The following MTCL3 variants were observed in gnomAD, a reference collection of about 807,000 sequenced individuals.
The protein encoded by MTCL3 is microtubule cross-linking factor 3.
the MTCL3 span, among the ~76,000 whole-genome samples, chr6:127,491,400 C>T: frequency 6.6e-6 from 1 of 152,192 alleles, no homozygotes; most frequent in Non-Finnish European, 1.5e-5. Context: ...CCATCAACAT[C>T]CAGGGAAGAC....
At chr6:127,501,532 GTTAC>G in the MTCL3 span, among the ~76,000 whole-genome samples, 1 of 152,280 alleles carries the variant, frequency 6.6e-6, no homozygotes, top group South Asian at 2.1e-4. Flanking sequence ...GTAAGAAACT[GTTAC>G]TTTGTGAAGG....
the MTCL3 span, among the ~76,000 whole-genome samples, chr6:127,482,539 T>G: frequency 6.6e-6 from 1 of 152,214 alleles, no homozygotes; most frequent in East Asian, 1.9e-4. This position sits in a 1 kb window ranked among gnomAD's most constrained non-coding sequence, Gnocchi z 4.1. Flanking sequence ...CCTTTCTGAC[T>G]TCCCTCTGCA....
chr6:127,505,528 G>T, the MTCL3 span, among the ~76,000 whole-genome samples: 1 of 152,168 alleles, frequency 6.6e-6, no homozygotes, highest in Non-Finnish European at 1.5e-5. Context: ...AGGATGGAGC[G>T]TGGGAGGAGG....
At chr6:127,509,341 G>A in the MTCL3 span, among the ~76,000 whole-genome samples, 1 of 152,192 alleles carries the variant, frequency 6.6e-6, no homozygotes, top group Non-Finnish European at 1.5e-5. Flanking sequence ...AAGATAGACA[G>A]ATAGATGTGA....
chr6:127,518,232 T>C, the MTCL3 span, among the ~76,000 whole-genome samples: 1 of 152,272 alleles, frequency 6.6e-6, no homozygotes, highest in Admixed American at 6.5e-5. Flanking sequence ...ACATGGGCTA[T>C]CTAACTAACT....
chr6:127,475,467 GA>G, the MTCL3 span: 1 of 1,613,440 alleles, frequency 6.2e-7, no homozygotes, highest in Non-Finnish European at 8.5e-7. This position sits in a 1 kb window ranked among gnomAD's most constrained non-coding sequence, Gnocchi z 7.3. Flanking sequence ...CCATGAGTCC[GA>G]ACAGGTCCCC....
At chr6:127,509,398 G>A in the MTCL3 span, among the ~76,000 whole-genome samples, 1 of 152,186 alleles carries the variant, frequency 6.6e-6, no homozygotes, top group South Asian at 2.1e-4. Context: ...AGAGCAATTG[G>A]TCAATACCCT....
chr6:127,473,081 T>C, the MTCL3 span: 14 of 1,135,830 alleles, frequency 1.2e-5, no homozygotes, highest in Non-Finnish European at 1.5e-5. Flanking sequence ...CTTTCTTACC[T>C]GAAATATTTT....
chr6:127,475,713 G>A, the MTCL3 span: 2 of 1,587,252 alleles, frequency 1.3e-6, no homozygotes, highest in Non-Finnish European at 1.7e-6. This position sits in a 1 kb window ranked among gnomAD's most constrained non-coding sequence, Gnocchi z 7.3. Flanking sequence ...CTTCGCGCTT[G>A]CGGTGCGGAG....
chr6:127,500,474 C>G, the MTCL3 span, among the ~76,000 whole-genome samples: 11 of 152,116 alleles, frequency 7.2e-5, no homozygotes, highest in Non-Finnish European at 1.0e-4. Context: ...ATTGTAGAAG[C>G]TGTGGTTTAA....
chr6:127,503,076 T>C, the MTCL3 span, among the ~76,000 whole-genome samples: 5 of 152,176 alleles, frequency 3.3e-5, no homozygotes, highest in East Asian at 1.9e-4. Flanking sequence ...TAGAGGATTA[T>C]AGATTCTAGG....
At chr6:127,510,118 G>C in the MTCL3 span, among the ~76,000 whole-genome samples, 3 of 151,770 alleles carry the variant, frequency 2.0e-5, no homozygotes, top group Non-Finnish European at 4.4e-5. Flanking sequence ...CTCAAATCGT[G>C]AATGCCATTT....
chr6:127,484,253 A>G, the MTCL3 span, among the ~76,000 whole-genome samples: 38 of 152,226 alleles, frequency 2.5e-4, no homozygotes, highest in Non-Finnish European at 4.0e-4. Flanking sequence ...GTTCAAGCAC[A>G]GAAGGCAGGG....
the MTCL3 span, chr6:127,516,416 G>A: frequency 1.2e-6 from 2 of 1,600,450 alleles, no homozygotes; most frequent in Non-Finnish European, 1.7e-6. Flanking sequence ...ACAGAATTGA[G>A]TTTAGTGCCG....
chr6:127,486,711 T>C, the MTCL3 span, among the ~76,000 whole-genome samples: 1 of 152,230 alleles, frequency 6.6e-6, no homozygotes, highest in Non-Finnish European at 1.5e-5. Context: ...GCTGTTTTTT[T>C]TGATCATGAG....
chr6:127,501,546 G>A, the MTCL3 span, among the ~76,000 whole-genome samples: 1 of 152,068 alleles, frequency 6.6e-6, no homozygotes, highest in Non-Finnish European at 1.5e-5. Flanking sequence ...CTTTGTGAAG[G>A]AAAGAAAAAA....
chr6:127,489,614 G>A, the MTCL3 span, among the ~76,000 whole-genome samples: 1 of 152,228 alleles, frequency 6.6e-6, no homozygotes, highest in African/African-American at 2.4e-5. Flanking sequence ...CCTTATTGCT[G>A]ATATGCAAAA....
the MTCL3 span, chr6:127,515,928 G>A: frequency 3.0e-5 from 49 of 1,610,050 alleles, 1 homozygote; most frequent in Non-Finnish European, 3.6e-5. This position sits in a 1 kb window ranked among gnomAD's most constrained non-coding sequence, Gnocchi z 4.3. Context: ...TTCTGCTGCC[G>A]GTTCCTGGGG....
the MTCL3 span, among the ~76,000 whole-genome samples, chr6:127,505,414 G>A: frequency 6.6e-6 from 1 of 152,182 alleles, no homozygotes; most frequent in Non-Finnish European, 1.5e-5. Context: ...AACTAACACA[G>A]GAACAGAAAA....
Sources: gnomAD v4.1 joint callset for allele counts (sites outside exome capture counted in the v4.1 genomes callset) on GRCh38, gnomAD v4.1.1 for gene constraint, Gnocchi (gnomAD v3.1) non-coding constraint, MANE v1.5 for transcripts, NCBI Gene and HGNC (gene_info 2026-07-23, HGNC 2026-07-21) for gene names.